PATJ: variants seen among roughly 807,000 people sequenced by gnomAD.
PATJ encodes the protein PATJ crumbs cell polarity complex component, also known as inaD-like protein.
In PATJ, 190 loss-of-function variants were observed where a neutral mutation model predicts 224.9. That is an observed-to-expected ratio of 0.84 (90% confidence interval 0.75 to 0.95). The LOEUF is 0.95. Ranked by LOEUF, PATJ falls within the 40% of genes least tolerant of loss-of-function variation. The probability of loss-of-function intolerance (pLI) is 0.00; values close to 1 mark genes in which losing one functional copy is unlikely to be tolerated. For missense variants in PATJ, 2,121 were observed against 2,270.3 expected, an observed-to-expected ratio of 0.93 and a Z score of 1.34; for synonymous variants, 769 against 820.3, an observed-to-expected ratio of 0.94 and a Z score of 1.07.
chr1:61,996,748 T>C (rs796705444), intron 28 of PATJ, among the ~76,000 whole-genome samples: 19,535 of 141,770 alleles, frequency 0.14, 1,492 homozygotes, highest in Non-Finnish European at 0.2. Context: ...TTTCTTTTTT[T>C]TTTTTTTTTT....
At chr1:61,771,408 AT>A in intron 5 of PATJ, 22 bp from the exon 6 acceptor site, 2 of 1,498,264 alleles carry the variant, frequency 1.3e-6, no homozygotes, top group Non-Finnish European at 1.8e-6. Context: ...CACTTAAAAA[AT>A]TTCTTTTCTT....
chr1:61,891,905 A>T (rs959229602), intron 22 of PATJ, among the ~76,000 whole-genome samples: 1 of 152,238 alleles, frequency 6.6e-6, no homozygotes, highest in Non-Finnish European at 1.5e-5. Flanking sequence ...GTCTTGCACC[A>T]GGCAACCACT....
intron 27 of PATJ, among the ~76,000 whole-genome samples, chr1:61,946,348 G>T (rs1438551411): frequency 6.6e-6 from 1 of 151,712 alleles, no homozygotes; most frequent in Non-Finnish European, 1.5e-5. Context: ...AAAGAGAGAA[G>T]AATCAAAGAG....
intron 27 of PATJ, among the ~76,000 whole-genome samples, chr1:61,989,245 A>T (rs949995619): frequency 6.6e-6 from 1 of 152,222 alleles, no homozygotes; most frequent in Non-Finnish European, 1.5e-5. Flanking sequence ...CCTATAAACT[A>T]TGAGCCGCTA....
At chr1:61,941,492 A>C (rs937513934) in intron 27 of PATJ, among the ~76,000 whole-genome samples, 2 of 152,138 alleles carry the variant, frequency 1.3e-5, no homozygotes, top group African/African-American at 4.8e-5. Context: ...CTCTACAAAA[A>C]GTACAAAAAT....
rs1665088466 is a variant in PATJ, at chr1:61,864,412, G to A, written c.2614G>A (p.Val872Ile). The A allele has an allele frequency of 2.5e-6, 4 of 1,613,776 alleles. No homozygotes were observed. The highest frequency in any genetic ancestry group is 2.5e-6 in the Non-Finnish European group (3 of 1,179,658). Reference protein sequence around the residue: ...QEMDEEREILVDEEYELYQDP... With the variant: ...QEMDEEREILIDEEYELYQDP... ...AATGGATGAAGAAAGAGAAATTCTT[G>A]TTGATGAAGAATATGAGTTATATCA... is the stretch of plus-strand genomic sequence containing the variant. Residue 872 changes from valine (V) to isoleucine (I), a missense_variant, in exon 20 of 44, where the codon GTT becomes ATT. By Grantham distance (29) the Val-to-Ile change is conservative. Coordinates refer to ENST00000642238, the MANE Select transcript of PATJ (RefSeq NM_001350145.3).
At chr1:62,092,390 A>AG (rs1249609788) in intron 33 of PATJ, among the ~76,000 whole-genome samples, 1 of 152,180 alleles carries the variant, frequency 6.6e-6, no homozygotes, top group Non-Finnish European at 1.5e-5. Flanking sequence ...TTAAAAAAAA[A>AG]AAATGTGATT....
intron 27 of PATJ, among the ~76,000 whole-genome samples, chr1:61,982,332 A>G (rs547785701): frequency 2.6e-5 from 4 of 152,144 alleles, no homozygotes; most frequent in South Asian, 4.1e-4. Context: ...CCTGGGAACC[A>G]TTGTTTCATC....
At chr1:61,989,048 T>A (rs1644920893) in intron 27 of PATJ, among the ~76,000 whole-genome samples, 1 of 152,166 alleles carries the variant, frequency 6.6e-6, no homozygotes, top group African/African-American at 2.4e-5. Flanking sequence ...GGCCTGATCT[T>A]GTGTTCTGCG....
intron 20 of PATJ, among the ~76,000 whole-genome samples, chr1:61,869,200 G>A (rs1011905291): frequency 6.2e-5 from 9 of 144,214 alleles, no homozygotes; most frequent in Non-Finnish European, 9.0e-5. Context: ...TCCGCCTCCC[G>A]GGTTCACGCC....
intron 1 of PATJ, among the ~76,000 whole-genome samples, chr1:61,747,550 C>T (rs1645086423): frequency 6.6e-6 from 1 of 152,218 alleles, no homozygotes; most frequent in African/African-American, 2.4e-5. Context: ...CTGTTATTCT[C>T]CTGCTTTTTG....
chr1:62,089,239 G>C (rs1197669220), intron 33 of PATJ, among the ~76,000 whole-genome samples: 1 of 152,064 alleles, frequency 6.6e-6, no homozygotes, highest in East Asian at 1.9e-4. Context: ...TGTGTCTTCT[G>C]TGCTGCTCTT....
At chr1:62,155,182 G>A (rs919316273) in intron 43 of PATJ, among the ~76,000 whole-genome samples, 6 of 152,178 alleles carry the variant, frequency 3.9e-5, no homozygotes, top group East Asian at 3.8e-4. Context: ...GTTTTAACAC[G>A]TTCTGCTGGC....
At position 62,134,486 on chromosome 1, in the gene PATJ, C is replaced by T. The variant is rs80200697; in HGVS notation, c.5271+5541C>T. Reference sequence around the variant, plus strand: ...TCAGCCTCCCGAGTAGCTGGGATTACAGGCATGTGCCACCACGCCCAGCTA... The same window carrying T: ...TCAGCCTCCCGAGTAGCTGGGATTATAGGCATGTGCCACCACGCCCAGCTA... On this transcript the variant is annotated intron_variant, in intron 41 of 43. Transcript: ENST00000642238. 2.9e-3 allele frequency among the ~76,000 whole-genome samples: 447 copies of T among 151,884 alleles called. 17 individuals are homozygous for T. In the East Asian group the frequency reaches 0.076, roughly 26 times the overall value.
chr1:62,062,763 CA>C (rs1227676407), intron 31 of PATJ, among the ~76,000 whole-genome samples: 2 of 152,088 alleles, frequency 1.3e-5, no homozygotes. Flanking sequence ...TCCCAAAGTG[CA>C]GAGATGACAG....
At chr1:61,743,118 G>A (rs1002764505) in intron 1 of PATJ, among the ~76,000 whole-genome samples, 1 of 152,322 alleles carries the variant, frequency 6.6e-6, no homozygotes, top group Admixed American at 6.5e-5. Context: ...GGGCCCGGCC[G>A]CGTCGCGGCG....
chr1:61,953,262 C>G (rs1679980777), intron 27 of PATJ, among the ~76,000 whole-genome samples: 1 of 152,050 alleles, frequency 6.6e-6, no homozygotes, highest in African/African-American at 2.4e-5. Context: ...GTATTATTGC[C>G]TAAGGGAGGC....
intron 33 of PATJ, among the ~76,000 whole-genome samples, chr1:62,105,529 G>A (rs1179798118): frequency 1.3e-5 from 2 of 152,106 alleles, no homozygotes; most frequent in Non-Finnish European, 2.9e-5. Context: ...AGGGATCACC[G>A]CAAGCCACTG....
chr1:61,963,145 T>C (rs1681556950), intron 27 of PATJ, among the ~76,000 whole-genome samples: 1 of 151,258 alleles, frequency 6.6e-6, no homozygotes, highest in African/African-American at 2.4e-5. Flanking sequence ...TTTCCACTGG[T>C]AGGTTAAAGA....
Sources: allele counts gnomAD v4.1 joint callset (sites outside exome capture counted in the v4.1 genomes callset), GRCh38; gene constraint gnomAD v4.1.1; transcripts MANE v1.5; gene names NCBI Gene and HGNC (gene_info 2026-07-23, HGNC 2026-07-21).